ADAMTS3: variants seen among roughly 807,000 people sequenced by gnomAD.
The protein encoded by ADAMTS3 is ADAM metallopeptidase with thrombospondin type 1 motif 3.
In ADAMTS3, 73 loss-of-function variants were observed where a neutral mutation model predicts 129.0. The observed-to-expected ratio is 0.57, with a 90% CI of 0.47 to 0.69. ADAMTS3 has a LOEUF of 0.69. Ranked by LOEUF, ADAMTS3 falls within the 30% of genes least tolerant of loss-of-function variation. The probability of loss-of-function intolerance (pLI) is 0.00; values close to 1 mark genes in which losing one functional copy is unlikely to be tolerated. For missense variants in ADAMTS3, 1,457 were observed against 1,514.5 expected, an observed-to-expected ratio of 0.96 and a Z score of 0.63; for synonymous variants, 477 against 510.8, an observed-to-expected ratio of 0.93 and a Z score of 0.89.
intron 21 of ADAMTS3, among the ~76,000 whole-genome samples, chr4:72,284,444 C>CAAAA (rs11292771): frequency 4.0e-5 from 5 of 123,540 alleles, no homozygotes; most frequent in African/African-American, 1.3e-4. Context: ...GACTCTGTCT[C>CAAAA]AAAAAAAAAA....
intron 3 of ADAMTS3, among the ~76,000 whole-genome samples, chr4:72,544,324 C>A (rs1721412427): frequency 6.6e-6 from 1 of 152,016 alleles, no homozygotes; most frequent in Non-Finnish European, 1.5e-5. Flanking sequence ...AGTAAAGTCT[C>A]CCTTTTAAAT....
intron 4 of ADAMTS3, among the ~76,000 whole-genome samples, chr4:72,361,917 T>C (rs2109856087): frequency 1.3e-5 from 2 of 152,246 alleles, no homozygotes; most frequent in South Asian, 4.1e-4. Context: ...CTCCTGAGCT[T>C]CAGACTCATA....
chr4:72,298,477 T>A, intron 17 of ADAMTS3, 35 bp from the exon 18 acceptor site: 1 of 1,476,526 alleles, frequency 6.8e-7, no homozygotes, highest in Non-Finnish European at 9.1e-7. Flanking sequence ...GTAAATCACC[T>A]GAGGGTTTTA....
chr4:72,470,817 T>C (rs918380993), intron 3 of ADAMTS3, among the ~76,000 whole-genome samples: 3 of 152,076 alleles, frequency 2.0e-5, no homozygotes, highest in African/African-American at 7.2e-5. Flanking sequence ...TGACAATAAT[T>C]TTTAAAAGCC....
rs1365920206 is a variant in ADAMTS3, at chr4:72,306,044, G to T, written c.2203C>A (p.Pro735Thr). 6.2e-7 allele frequency: 1 copy of T among 1,607,724 alleles called. No individual in the cohort carries two copies. Among genetic ancestry groups the T allele is most frequent in the Non-Finnish European group, 8.5e-7 (1 of 1,177,354 alleles). ...ATTAACACATGTCTAGCCCCAGGGG[G>T]TATATCAAACATCTTAAGGTACCCT... The part of the protein sequence containing the change: ...KLGYLKMFDI[P>T]PGARHVLIQE... Residue 735 changes from proline to threonine, a missense_variant, in exon 16 of 22, where the codon CCC becomes ACC. Pro to Thr is a conservative substitution (Grantham distance 38). Coordinates refer to ENST00000286657, the MANE Select transcript of ADAMTS3 (RefSeq NM_014243.3).
chr4:72,532,708 G>T (rs1332812730), intron 3 of ADAMTS3, among the ~76,000 whole-genome samples: 1 of 152,096 alleles, frequency 6.6e-6, no homozygotes, highest in African/African-American at 2.4e-5. Flanking sequence ...TAGGCTGTAT[G>T]GCACAACATA....
chr4:72,524,658 G>A (rs12511787), intron 3 of ADAMTS3, among the ~76,000 whole-genome samples: 7 of 151,882 alleles, frequency 4.6e-5, no homozygotes, highest in East Asian at 3.9e-4. Flanking sequence ...GACTAACTCC[G>A]GAGTCTGTTC....
At chr4:72,288,962 ACACAC>A in intron 20 of ADAMTS3, 94 bp from the exon 21 acceptor site, 2 of 762,490 alleles carry the variant, frequency 2.6e-6, no homozygotes, top group East Asian at 2.6e-5. Flanking sequence ...ACACACACAC[ACACAC>A]AAAGACACAG....
chr4:72,503,914 T>G (rs2110026702), intron 3 of ADAMTS3, among the ~76,000 whole-genome samples: 1 of 152,320 alleles, frequency 6.6e-6, no homozygotes, highest in South Asian at 2.1e-4. Context: ...ATAAGAATAC[T>G]TATCCCTGCT....
intron 17 of ADAMTS3, among the ~76,000 whole-genome samples, chr4:72,300,407 C>T (rs768588991): frequency 5.9e-5 from 9 of 152,130 alleles, no homozygotes; most frequent in Non-Finnish European, 1.0e-4. Context: ...AAGCCAGATA[C>T]TCATGTTGCT....
In ADAMTS3 at chr4:72,288,678, C is replaced by A. The variant is rs1578552711; in HGVS notation, c.3049+73G>T. On this transcript the variant is annotated intron_variant, in intron 21 of 21. Transcript: ENST00000286657. ...TAAACAAATATAAATTCTATAACTT[C>A]TCTCAAAAGGAAATTCTGCTTTTTG... The A allele has an allele frequency of 4.2e-6, 4 of 951,248 alleles. No individual in the cohort carries two copies. The East Asian group carries it at 9.6e-5, about 23-fold the overall frequency. 58.9% of individuals were successfully genotyped at this position (951,248 alleles called of 1,614,324 possible). A position where few individuals can be genotyped will look rare whatever the true frequency, so the allele number is the denominator to read the frequency against.
In ADAMTS3 at chr4:72,411,005, T is replaced by G. The variant is rs894934648; in HGVS notation, c.661+3810A>C. Among the ~76,000 whole-genome samples the G allele has an allele frequency of 3.9e-5, 6 of 152,264 alleles. No homozygotes were observed. In the East Asian group the frequency reaches 1.2e-3, roughly 29 times the overall value. ...GCCACTTCTGCACTAGAAGACACCA[T>G]TATTTATATTGCCAAATGTAAAACT... On this transcript the variant is annotated intron_variant, in intron 4 of 21. Transcript: ENST00000286657.
At chr4:72,320,608 G>A in intron 7 of ADAMTS3, 106 bp downstream of exon 7, 3 of 1,180,086 alleles carry the variant, frequency 2.5e-6, no homozygotes, top group Non-Finnish European at 3.6e-6. Context: ...GGTGTGTGGT[G>A]GAAAGCAGTG....
At chr4:72,352,911 G>A (rs995547624) in intron 4 of ADAMTS3, among the ~76,000 whole-genome samples, 1 of 151,992 alleles carries the variant, frequency 6.6e-6, no homozygotes, top group African/African-American at 2.4e-5. Flanking sequence ...ACTAAGAGAG[G>A]TTGAAGCAAG....
chr4:72,557,132 A>G lies in ADAMTS3; in HGVS notation c.98-8248T>C, dbSNP rs76624767. On this transcript the variant is annotated intron_variant, in intron 2 of 21. Coordinates refer to ENST00000286657, the MANE Select transcript of ADAMTS3 (RefSeq NM_014243.3). ...CAGGTATAAATTCTCAGTATGCAAT[A>G]ATCTGGCCTCAAGAATGAAATCGAA... Among the ~76,000 whole-genome samples the G allele has an allele frequency of 5.6e-3, 854 of 152,006 alleles. 32 individuals are homozygous for G. The East Asian group carries it at 0.098, about 17-fold the overall frequency.
intron 3 of ADAMTS3, among the ~76,000 whole-genome samples, chr4:72,521,447 G>A (rs183114484): frequency 5.2e-4 from 79 of 152,256 alleles, no homozygotes; most frequent in African/African-American, 1.8e-3. Flanking sequence ...AGTTTCAAAA[G>A]GTATTAAAAG....
rs1463178997 is a variant in ADAMTS3, at chr4:72,281,250, T to C, written c.*1886A>G. On this transcript the variant is annotated 3_prime_UTR_variant, in exon 22 of 22. Transcript: ENST00000286657. ...TTAAGGCTTAGGGATTGTTTTACTA[T>C]CTGGAATTTGCCTAATTTGACCTTC... The C allele has an allele frequency of 6.6e-6, 1 of 152,594 alleles. No individual in the cohort carries two copies. Among genetic ancestry groups the C allele is most frequent in the Non-Finnish European group, 1.5e-5 (1 of 68,024 alleles). The allele number at this position is 152,594 out of a possible 1,614,324, so 9.5% of individuals were successfully genotyped here.
chr4:72,441,142 C>T (rs564666594), intron 3 of ADAMTS3, among the ~76,000 whole-genome samples: 3 of 151,762 alleles, frequency 2.0e-5, no homozygotes, highest in Non-Finnish European at 4.4e-5. Flanking sequence ...TCTTGGACTG[C>T]ATATCAATCA....
Position 72,329,465 on chromosome 4 carries a change from T to C in ADAMTS3, c.862-6368A>G, listed in dbSNP as rs187071717. Reference sequence around the variant, plus strand: ...ATCCTATAGAGAACAGACATTGTCATTGCTACTTTATAAAGAGACTGAGAC... The same window carrying C: ...ATCCTATAGAGAACAGACATTGTCACTGCTACTTTATAAAGAGACTGAGAC... On this transcript the variant is annotated intron_variant, in intron 5 of 21. Transcript: ENST00000286657. Among the ~76,000 whole-genome samples the C allele has an allele frequency of 1.5e-4, 23 of 152,274 alleles. No individual in the cohort carries two copies. In the East Asian group the frequency reaches 3.7e-3, roughly 24 times the overall value.
Sources: gnomAD v4.1 joint callset for allele counts (sites outside exome capture counted in the v4.1 genomes callset) on GRCh38, gnomAD v4.1.1 for gene constraint, MANE v1.5 for transcripts, NCBI Gene and HGNC (gene_info 2026-07-23, HGNC 2026-07-21) for gene names.